Variants in RASGEF1A observed in about 807,000 individuals in gnomAD.
The protein encoded by RASGEF1A is RasGEF domain family member 1A, also known as ras-GEF domain-containing family member 1A.
RASGEF1A carries 18 observed loss-of-function variants against 56.4 expected under a neutral mutation model. The observed-to-expected ratio is 0.32, with a 90% CI of 0.22 to 0.47. The LOEUF (loss-of-function observed/expected upper bound fraction) is 0.47, where lower values mean the gene tolerates loss of function less well. Ranked by LOEUF, RASGEF1A falls within the 20% of genes least tolerant of loss-of-function variation. RASGEF1A has a pLI of 1.00. For synonymous variants in RASGEF1A, 245 were observed against 242.6 expected, an observed-to-expected ratio of 1.01 and a Z score of -0.09; for missense variants, 422 against 627.1, an observed-to-expected ratio of 0.67 and a Z score of 3.49.
At position 43,200,252 on chromosome 10, in the gene RASGEF1A, C is replaced by T. The variant is rs1325492739; in HGVS notation, c.686G>A (p.Arg229Lys). 6.2e-7 allele frequency: 1 copy of T among 1,604,460 alleles called. No homozygotes were observed. Residue 229 changes from arginine (R) to lysine (K), a missense_variant, in exon 6 of 13, where the codon AGG (arginine) becomes AAG (lysine). Coordinates refer to ENST00000395810, the MANE Select transcript of RASGEF1A (RefSeq NM_145313.4). ...AQQLTHIELDRVSSIYPEDLM... is the reference protein window; with the variant it reads ...AQQLTHIELDKVSSIYPEDLM... ...GTCCTCAGGGTAAATGCTGCTGACC[C>T]TGTCCTGGGGTGGAAGATAGCAAAG... is the stretch of plus-strand genomic sequence containing the variant.
intron 5 of RASGEF1A, 107 bp downstream of exon 5, chr10:43,200,560 T>G: frequency 9.6e-7 from 1 of 1,036,982 alleles, no homozygotes. Flanking sequence ...GCAAGCGCAC[T>G]TCCCTGATGG....
intron 1 of RASGEF1A, among the ~76,000 whole-genome samples, chr10:43,236,332 C>T (rs1024250870): frequency 1.3e-5 from 2 of 152,172 alleles, no homozygotes; most frequent in African/African-American, 4.8e-5. Context: ...ACCTTGTGTG[C>T]GCATGTATAC....
chr10:43,197,929 C>G, intron 10 of RASGEF1A, 75 bp downstream of exon 10: 1 of 1,353,090 alleles, frequency 7.4e-7, no homozygotes, highest in Non-Finnish European at 1.0e-6. Flanking sequence ...AGATCCCGAC[C>G]CAGGGCTAAT....
chr10:43,246,194 T>G (rs1420936519), intron 1 of RASGEF1A, among the ~76,000 whole-genome samples: 1 of 152,148 alleles, frequency 6.6e-6, no homozygotes, highest in African/African-American at 2.4e-5. Flanking sequence ...ATAAAATAAT[T>G]ATAAATTTAA....
chr10:43,240,145 A>G (rs1564540302), intron 1 of RASGEF1A, among the ~76,000 whole-genome samples: 1 of 152,250 alleles, frequency 6.6e-6, no homozygotes, highest in Non-Finnish European at 1.5e-5. Context: ...AGCTGAAAGC[A>G]TACCCAAAGA....
chr10:43,213,313 C>A (rs967016063), intron 1 of RASGEF1A, among the ~76,000 whole-genome samples: 1 of 152,070 alleles, frequency 6.6e-6, no homozygotes, highest in Admixed American at 6.5e-5. Flanking sequence ...ATAACCCATG[C>A]ATGTAAAAAA....
chr10:43,257,170 C>T (rs1836430622), intron 1 of RASGEF1A, among the ~76,000 whole-genome samples: 1 of 152,230 alleles, frequency 6.6e-6, no homozygotes, highest in South Asian at 2.1e-4. Flanking sequence ...TGCAGAATCC[C>T]TCACATGGCT....
chr10:43,212,873 A>G (rs1238474653), intron 1 of RASGEF1A, among the ~76,000 whole-genome samples: 1 of 152,232 alleles, frequency 6.6e-6, no homozygotes, highest in Non-Finnish European at 1.5e-5. Context: ...TCACACACAC[A>G]GGTTCACACA....
At chr10:43,214,004 C>T (rs369544397) in intron 1 of RASGEF1A, among the ~76,000 whole-genome samples, 1 of 152,196 alleles carries the variant, frequency 6.6e-6, no homozygotes, top group East Asian at 1.9e-4. Context: ...CTGCCTCTGG[C>T]CTCATGTGTG....
In RASGEF1A at chr10:43,200,747, G is replaced by C; in HGVS notation, c.601C>G (p.Pro201Ala). ...AGGATGTCCTTCTGGGCGGCTGGTG[G>C]CTTGGTCTTGAGGATGGGCCCCTTG... ...VDKGPILKTK[P>A]PAAQKDILGV... The change falls in exon 5 of 13, where the codon CCA becomes GCA. Residue 201 changes from proline (P) to alanine (A), a missense_variant. Physicochemically the swap from Pro to Ala is conservative, Grantham distance 27. Coordinates refer to ENST00000395810, the MANE Select transcript of RASGEF1A (RefSeq NM_145313.4). 6.2e-7 allele frequency: 1 copy of C among 1,613,900 alleles called. No homozygotes were observed. The highest frequency in any genetic ancestry group is 1.7e-4 in the Middle Eastern group (1 of 6,060).
At chr10:43,238,430 T>C (rs565197299) in intron 1 of RASGEF1A, among the ~76,000 whole-genome samples, 1 of 152,352 alleles carries the variant, frequency 6.6e-6, no homozygotes, top group South Asian at 2.1e-4. Context: ...GTACTTTAGA[T>C]AGCTCTACTA....
At chr10:43,257,769 T>A (rs1381188491) in intron 1 of RASGEF1A, among the ~76,000 whole-genome samples, 1 of 152,176 alleles carries the variant, frequency 6.6e-6, no homozygotes, top group Non-Finnish European at 1.5e-5. Context: ...ATGTGCTGTA[T>A]AATGTCTGGT....
intron 1 of RASGEF1A, among the ~76,000 whole-genome samples, chr10:43,259,193 A>C (rs1836483196): frequency 6.6e-6 from 1 of 152,234 alleles, no homozygotes; most frequent in Non-Finnish European, 1.5e-5. Context: ...ATATCCATGC[A>C]GTGTGGCAGT....
chr10:43,260,983 G>A (rs928813297), intron 1 of RASGEF1A, among the ~76,000 whole-genome samples: 4 of 152,216 alleles, frequency 2.6e-5, no homozygotes, highest in South Asian at 2.1e-4. Context: ...ACATTTGTGC[G>A]GGCATCTCCG....
At chr10:43,250,812 C>G (rs575114407) in intron 1 of RASGEF1A, among the ~76,000 whole-genome samples, 2 of 152,322 alleles carry the variant, frequency 1.3e-5, no homozygotes, top group South Asian at 4.1e-4. Flanking sequence ...TGGCGGCTTC[C>G]CAGCTGGAAG....
chr10:43,248,192 C>T (rs1057028999), intron 1 of RASGEF1A, among the ~76,000 whole-genome samples: 1 of 151,182 alleles, frequency 6.6e-6, no homozygotes, highest in African/African-American at 2.4e-5. Flanking sequence ...CCCGTCTCTA[C>T]TAAAAATACA....
chr10:43,250,668 T>C (rs868699197), intron 1 of RASGEF1A, among the ~76,000 whole-genome samples: 10 of 151,664 alleles, frequency 6.6e-5, no homozygotes, highest in African/African-American at 2.4e-4. Context: ...CCCTAGAGGG[T>C]TCCTTCCATG....
At chr10:43,266,493 C>G (rs988593732) in intron 1 of RASGEF1A, among the ~76,000 whole-genome samples, 4 of 151,424 alleles carry the variant, frequency 2.6e-5, no homozygotes, top group Admixed American at 2.6e-4. Flanking sequence ...CCCCGGGCAG[C>G]GAACCTGCCC....
chr10:43,229,678 G>A (rs1178733646), intron 1 of RASGEF1A: 8 of 1,468,978 alleles, frequency 5.4e-6, no homozygotes, highest in African/African-American at 1.5e-5. Flanking sequence ...TCCCCGCGCC[G>A]TCCTGCCCGG....
Sources: gnomAD v4.1 joint callset for allele counts (sites outside exome capture counted in the v4.1 genomes callset) on GRCh38, gnomAD v4.1.1 for gene constraint, MANE v1.5 for transcripts, NCBI Gene and HGNC (gene_info 2026-07-23, HGNC 2026-07-21) for gene names.